The following LRP6 variants were observed in gnomAD, a reference collection of about 807,000 sequenced individuals.
The protein encoded by LRP6 is low-density lipoprotein receptor-related protein 6.
Under a neutral mutation model 184.1 loss-of-function variants are expected in LRP6, and 43 were observed. That is an observed-to-expected ratio of 0.23 (90% CI 0.18 to 0.30). The LOEUF (loss-of-function observed/expected upper bound fraction) is 0.30. Ranked by LOEUF, LRP6 falls within the 10% of genes least tolerant of loss-of-function variation. The probability of loss-of-function intolerance (pLI) is 1.00; values close to 1 mark genes in which losing one functional copy is unlikely to be tolerated. For synonymous variants in LRP6, 719 were observed against 684.9 expected (o/e 1.05, Z -0.78); for missense variants, 1,571 against 2,005.3 (o/e 0.78, Z 4.14).
At chr12:12,177,692 A>G (rs2136982115) in intron 7 of LRP6, among the ~76,000 whole-genome samples, 1 of 152,310 alleles carries the variant, frequency 6.6e-6, no homozygotes. Flanking sequence ...GTGAATTAGG[A>G]CATCAGAATC....
At chr12:12,186,022 T>TC (rs1279247766) in intron 4 of LRP6, among the ~76,000 whole-genome samples, 1 of 151,988 alleles carries the variant, frequency 6.6e-6, no homozygotes, top group Admixed American at 6.6e-5. Flanking sequence ...ATATTTTTGT[T>TC]ATTTTAGTAG....
chr12:12,182,332 A>C (rs148157653), intron 5 of LRP6, among the ~76,000 whole-genome samples: 3 of 152,306 alleles, frequency 2.0e-5, no homozygotes, highest in Middle Eastern at 3.4e-3. Context: ...TATTTCACTG[A>C]ATTTTAAATT....
chr12:12,196,282 G>C (rs949019062), intron 3 of LRP6, among the ~76,000 whole-genome samples: 3 of 151,736 alleles, frequency 2.0e-5, no homozygotes, highest in Non-Finnish European at 4.4e-5. Flanking sequence ...GGTTGCTTTG[G>C]GTAGTACGGT....
At chr12:12,208,804 C>A (rs1310513793) in intron 2 of LRP6, among the ~76,000 whole-genome samples, 2 of 152,160 alleles carry the variant, frequency 1.3e-5, no homozygotes, top group Non-Finnish European at 2.9e-5. Flanking sequence ...AGCATAGGGA[C>A]AGCCAGAAAC....
chr12:12,192,668 T>G (rs190823132), intron 3 of LRP6, among the ~76,000 whole-genome samples: 2 of 152,142 alleles, frequency 1.3e-5, no homozygotes, highest in Admixed American at 1.3e-4. Flanking sequence ...GCAGGTTTTA[T>G]GAGAAAGAGT....
Position 12,121,313 on chromosome 12 carries a change from G to A in LRP6, c.4655C>T (p.Thr1552Ile). ...CAAGTCACTGGTATAGCCCTTGGCT[G>A]TTGCCACTGAGGTCATTCTCCGACT... ...APSRRMTSVATAKGYTSDLNY... is the reference protein window; with the variant it reads ...APSRRMTSVAIAKGYTSDLNY... Residue 1552 changes from threonine to isoleucine, a missense_variant, in exon 23 of 23, where the codon ACA becomes ATA. By Grantham distance (89) the Thr-to-Ile change is moderately conservative (BLOSUM62 -1). Transcript: ENST00000261349. 1.2e-6 allele frequency: 2 copies of A among 1,614,198 alleles called. No homozygotes were observed. The highest frequency in any genetic ancestry group is 1.3e-5 in the African/African-American group (1 of 75,048).
At chr12:12,219,586 A>G (rs1864435060) in intron 2 of LRP6, among the ~76,000 whole-genome samples, 2 of 152,188 alleles carry the variant, frequency 1.3e-5, no homozygotes, top group African/African-American at 4.8e-5. Context: ...AACAAGACTC[A>G]AATCACAGCA....
intron 2 of LRP6, among the ~76,000 whole-genome samples, chr12:12,215,091 C>T (rs548093160): frequency 2.0e-3 from 309 of 152,324 alleles, no homozygotes; most frequent in African/African-American, 6.7e-3. Flanking sequence ...TACTTGTTGT[C>T]TCAGTCACTG....
At chr12:12,232,524 A>G (rs1427013141) in intron 2 of LRP6, among the ~76,000 whole-genome samples, 1 of 151,468 alleles carries the variant, frequency 6.6e-6, no homozygotes, top group Non-Finnish European at 1.5e-5. Context: ...ATCTGTTCAC[A>G]GTCCAAAACT....
intron 5 of LRP6, among the ~76,000 whole-genome samples, chr12:12,182,059 G>A (rs554075828): frequency 7.2e-4 from 109 of 152,290 alleles, no homozygotes; most frequent in Non-Finnish European, 1.3e-3. Context: ...ACAAACAGCT[G>A]CAATGGAGGG....
chr12:12,257,819 G>GAAAAAAAAAAAAAA (rs1238381544), intron 1 of LRP6, among the ~76,000 whole-genome samples: 1 of 62,532 alleles, frequency 1.6e-5, no homozygotes, highest in Non-Finnish European at 3.7e-5. Flanking sequence ...AATTAAAAAT[G>GAAAAAAAAAAAAAA]AGCCGGGCGT....
chr12:12,256,330 G>C (rs931595214), intron 1 of LRP6, among the ~76,000 whole-genome samples: 1 of 152,066 alleles, frequency 6.6e-6, no homozygotes. Context: ...AGGCAGAGGC[G>C]GGTGTATCAC....
chr12:12,185,638 C>A (rs1863449559), intron 4 of LRP6, among the ~76,000 whole-genome samples: 1 of 152,160 alleles, frequency 6.6e-6, no homozygotes, highest in South Asian at 2.1e-4. Flanking sequence ...TCCTCTCTTA[C>A]AAGTTCTCAG....
rs1377528763 is a variant in LRP6, at chr12:12,180,956, T to C, written c.1373+87A>G. 5 of 1,400,782 alleles carry C rather than the reference T, an allele frequency of 3.6e-6. No individual in the cohort carries two copies. In the African/African-American group the frequency reaches 7.1e-5, roughly 20 times the overall value. 86.8% of individuals were successfully genotyped at this position (1,400,782 alleles called of 1,614,324 possible). A position where few individuals can be genotyped will look rare whatever the true frequency, so the allele number is the denominator to read the frequency against. ...GAGCTGTTTACTGGAAACCAATATA[T>C]ATGTCATGTTATCTTAGTCAATGTT... On this transcript the variant is annotated intron_variant, in intron 6 of 22. Coordinates refer to ENST00000261349, the MANE Select transcript of LRP6 (RefSeq NM_002336.3).
At position 12,120,558 on chromosome 12, in the gene LRP6, C is replaced by T. The variant is rs557216739; in HGVS notation, c.*568G>A. On this transcript the variant is annotated 3_prime_UTR_variant, in exon 23 of 23. Coordinates refer to ENST00000261349, the MANE Select transcript of LRP6 (RefSeq NM_002336.3). ...GGTTTTTAGAAATATCTACTTTCCT[C>T]ACTAGCACTGTTGGATTCCTAGAGA... is the stretch of plus-strand genomic sequence containing the variant. The T allele has an allele frequency of 2.0e-5, 3 of 152,470 alleles. No homozygotes were observed. Among genetic ancestry groups the T allele is most frequent in the Non-Finnish European group, 2.9e-5 (2 of 68,140 alleles). 9.4% of individuals were successfully genotyped at this position (152,470 alleles called of 1,614,324 possible).
rs750454161 is a variant in LRP6 at position 12,134,746 on chromosome 12, GA to G, written c.3733+428del. On this transcript the variant is annotated intron_variant, in intron 17 of 22. Coordinates refer to ENST00000261349, the MANE Select transcript of LRP6 (RefSeq NM_002336.3). Reference sequence around the variant, plus strand: ...TAATTCATTTTTTTACCTTTTGGGAGAGGGGGGAGGCTACTTTAATATTAGG... The same window carrying G: ...TAATTCATTTTTTTACCTTTTGGGAGGGGGGGAGGCTACTTTAATATTAGG... Among the ~76,000 whole-genome samples the G allele has an allele frequency of 8.5e-5, 13 of 152,274 alleles. No individual in the cohort carries two copies. The East Asian group carries it at 1.5e-3, about 18-fold the overall frequency.
chr12:12,176,825 C>A (rs964515458), intron 7 of LRP6, among the ~76,000 whole-genome samples: 5 of 146,848 alleles, frequency 3.4e-5, no homozygotes, highest in Non-Finnish European at 6.0e-5. Flanking sequence ...AACACATATA[C>A]AACAGTGTGA....
intron 2 of LRP6, among the ~76,000 whole-genome samples, chr12:12,207,618 G>C (rs1408235976): frequency 6.6e-6 from 1 of 152,080 alleles, no homozygotes; most frequent in East Asian, 1.9e-4. Context: ...CAACAAAATA[G>C]CAAACTAGCC....
At chr12:12,224,931 G>A (rs1276122768) in intron 2 of LRP6, among the ~76,000 whole-genome samples, 2 of 152,202 alleles carry the variant, frequency 1.3e-5, no homozygotes, top group Admixed American at 6.5e-5. Context: ...ATGGCCAGGG[G>A]CGGTGGCTCA....
Sources: gnomAD v4.1 joint callset for allele counts (sites outside exome capture counted in the v4.1 genomes callset) on GRCh38, gnomAD v4.1.1 for gene constraint, MANE v1.5 for transcripts, NCBI Gene and HGNC (gene_info 2026-07-23, HGNC 2026-07-21) for gene names.